The following LIPG variants were observed in gnomAD, a reference collection of about 807,000 sequenced individuals.
LIPG encodes the protein endothelial lipase.
In LIPG, 34 loss-of-function variants were observed where a neutral mutation model predicts 51.8. The ratio of observed to expected loss-of-function variants is 0.66; its 90% CI spans 0.50 to 0.87. The LOEUF (loss-of-function observed/expected upper bound fraction) is 0.87, where lower values mean the gene tolerates loss of function less well. LIPG is among the 40% of genes least tolerant of loss of function. The pLI is 0.00. For synonymous variants in LIPG, 246 were observed against 246.1 expected, an observed-to-expected ratio of 1.00 and a Z score of 0.00; for missense variants, 580 against 652.7, an observed-to-expected ratio of 0.89 and a Z score of 1.21.
chr18:49,590,173 TTGTGTGTGTGTGTG>T (rs57137391), intron 9 of LIPG: 46 of 371,970 alleles, frequency 1.2e-4, no homozygotes, highest in South Asian at 1.7e-4. Context: ...GTGTCCATGA[TTGTGTGTGTGTGTG>T]TGTGTGTGTG....
intron 5 of LIPG, among the ~76,000 whole-genome samples, chr18:49,577,833 C>T (rs1409652920): frequency 6.9e-5 from 8 of 115,472 alleles, no homozygotes; most frequent in African/African-American, 2.3e-4. Flanking sequence ...GGCGGCTGGC[C>T]GGGTGGGGGG....
At chr18:49,588,481 C>T (rs1246645890) in intron 9 of LIPG, among the ~76,000 whole-genome samples, 2 of 151,242 alleles carry the variant, frequency 1.3e-5, no homozygotes, top group African/African-American at 2.5e-5. Flanking sequence ...TGGGTTTTCG[C>T]CATGTTGGCC....
At chr18:49,565,596 C>A in intron 2 of LIPG, 98 bp downstream of exon 2, 1 of 1,350,664 alleles carries the variant, frequency 7.4e-7, no homozygotes, top group East Asian at 2.4e-5. Flanking sequence ...ATTCCAAACC[C>A]TCTTCCCCCC....
chr18:49,590,199 G>GTGTGTA (rs1260139104), intron 9 of LIPG: 1 of 487,228 alleles, frequency 2.1e-6, no homozygotes, highest in Non-Finnish European at 3.8e-6. Context: ...GTGTGTGTGT[G>GTGTGTA]TGTGTGTGTA....
At chr18:49,577,858 C>A (rs1274193951) in intron 5 of LIPG, among the ~76,000 whole-genome samples, 2,398 of 69,696 alleles carry the variant, frequency 0.034, 1 homozygote, top group African/African-American at 0.042. Flanking sequence ...ACCCCCCCAT[C>A]TCCCTCCCAG....
rs148726080 is a variant in LIPG, at chr18:49,598,218, A to G, written c.*7696A>G. 92 of 152,074 alleles carry G rather than the reference A, an allele frequency of 6.0e-4. No homozygotes were observed. Among genetic ancestry groups the G allele is most frequent in the African/African-American group, 2.0e-3 (85 of 41,474 alleles). 9.4% of individuals were successfully genotyped at this position (152,074 alleles called of 1,614,324 possible). A position where few individuals can be genotyped will look rare whatever the true frequency, so the allele number is the denominator to read the frequency against. On this transcript the variant is annotated 3_prime_UTR_variant, in exon 10 of 10. Transcript: ENST00000261292. ...CTCTTTTTTAATTTTTTTTGGAGAC[A>G]CGGTATCACTGTGTGGCCCAGGCTG...
At chr18:49,578,042 C>T (rs1281224416) in intron 5 of LIPG, among the ~76,000 whole-genome samples, 2 of 146,658 alleles carry the variant, frequency 1.4e-5, no homozygotes, top group South Asian at 2.1e-4. Flanking sequence ...ACCTCCCTCC[C>T]GGATGGCACG....
intron 9 of LIPG, among the ~76,000 whole-genome samples, chr18:49,587,515 G>T (rs1183201011): frequency 7.3e-6 from 1 of 137,266 alleles, no homozygotes; most frequent in Non-Finnish European, 1.5e-5. Context: ...CTTGCAGTGA[G>T]CTGAGATTGC....
chr18:49,590,203 GTGTGTA>G (rs2084926273), intron 9 of LIPG: 3 of 491,336 alleles, frequency 6.1e-6, no homozygotes, highest in South Asian at 1.9e-5. Context: ...GTGTGTGTGT[GTGTGTA>G]TGTTGTGGGT....
chr18:49,565,753 G>A (rs1188386632), intron 2 of LIPG, among the ~76,000 whole-genome samples: 2 of 152,210 alleles, frequency 1.3e-5, no homozygotes, highest in Admixed American at 1.3e-4. Context: ...CAGCAGCCCA[G>A]CTCCACTGGC....
chr18:49,578,269 G>C (rs892318931), intron 5 of LIPG, among the ~76,000 whole-genome samples: 3 of 146,986 alleles, frequency 2.0e-5, no homozygotes, highest in African/African-American at 7.7e-5. Flanking sequence ...TCTCAGACGG[G>C]GTGGTTGCCA....
At chr18:49,579,035 A>C (rs1248059307) in intron 5 of LIPG, among the ~76,000 whole-genome samples, 6 of 34 alleles carry the variant, frequency 0.18, 2 homozygotes, top group Admixed American at 1. Context: ...AGGGAGAGGG[A>C]GAGGGAGAGG....
rs1367311828 is a variant in LIPG, at chr18:49,577,607, C to T, written c.793+2017C>T. 4.1e-5 allele frequency among the ~76,000 whole-genome samples: 6 copies of T among 147,476 alleles called. No individual in the cohort carries two copies. In the South Asian group the frequency reaches 1.3e-3, roughly 31 times the overall value. On this transcript the variant is annotated intron_variant, in intron 5 of 9. Transcript: ENST00000261292. ...CAGTAGGGGCGGCCGGGCAGAGGCA[C>T]CCCTCACCTCCCGGACGGGGCGGCT... is the stretch of plus-strand genomic sequence containing the variant.
chr18:49,574,817 C>G (rs2084698762), intron 4 of LIPG, among the ~76,000 whole-genome samples: 2 of 152,174 alleles, frequency 1.3e-5, no homozygotes, highest in Non-Finnish European at 2.9e-5. Context: ...CCTCTTCTCT[C>G]TCACCATTCC....
rs1311782350 is a variant in LIPG, at chr18:49,596,334, A to G, written c.*5812A>G. ...GAATATTAAATAAACTAAAATGCTA[A>G]TAAAATGTACTCCTTAGGGCCAGGT... On this transcript the variant is annotated 3_prime_UTR_variant, in exon 10 of 10. Transcript: ENST00000261292. The G allele has an allele frequency of 6.6e-6, 1 of 152,188 alleles. No homozygotes were observed. The highest frequency in any genetic ancestry group is 2.4e-5 in the African/African-American group (1 of 41,460). The allele number at this position is 152,188 out of a possible 1,614,324, so 9.4% of individuals were successfully genotyped here.
At chr18:49,568,602 A>G (rs1237398056) in intron 3 of LIPG, among the ~76,000 whole-genome samples, 2 of 150,754 alleles carry the variant, frequency 1.3e-5, no homozygotes, top group African/African-American at 4.9e-5. Context: ...ACTAGTTTCT[A>G]ACTCCTGACC....
intron 9 of LIPG, among the ~76,000 whole-genome samples, chr18:49,588,725 G>A (rs532805699): frequency 1.3e-5 from 2 of 152,254 alleles, no homozygotes; most frequent in South Asian, 4.1e-4. Context: ...ACGTGAGGAA[G>A]GCCCATCTTG....
At chr18:49,581,008 C>T (rs556499501) in intron 5 of LIPG, among the ~76,000 whole-genome samples, 6 of 152,262 alleles carry the variant, frequency 3.9e-5, no homozygotes, top group Middle Eastern at 3.4e-3. Context: ...TCTGTAATCC[C>T]AGCACTTTAG....
intron 5 of LIPG, among the ~76,000 whole-genome samples, chr18:49,578,102 G>A (rs1440947923): frequency 1.7e-5 from 2 of 114,498 alleles, no homozygotes; most frequent in African/African-American, 3.9e-5. Flanking sequence ...GGATGGGGCG[G>A]CTGGCCGGGC....
Sources: allele counts gnomAD v4.1 joint callset (sites outside exome capture counted in the v4.1 genomes callset), GRCh38; gene constraint gnomAD v4.1.1; transcripts MANE v1.5; gene names NCBI Gene and HGNC (gene_info 2026-07-23, HGNC 2026-07-21).